MSRB3: variants seen among roughly 807,000 people sequenced by gnomAD.
MSRB3 encodes methionine sulfoxide reductase B3, also known as methionine-R-sulfoxide reductase B3.
In MSRB3, 13 loss-of-function variants were observed where a neutral mutation model predicts 21.0. The ratio of observed to expected loss-of-function variants is 0.62; its 90% CI spans 0.40 to 0.98. The LOEUF is 0.98. MSRB3 is among the 50% of genes least tolerant of loss of function. MSRB3 has a pLI of 0.00. For missense variants in MSRB3, 199 were observed against 230.3 expected (o/e 0.86, Z 0.88); for synonymous variants, 87 against 88.6 (o/e 0.98, Z 0.10).
intron 4 of MSRB3, among the ~76,000 whole-genome samples, chr12:65,359,080 A>C (rs1330617772): frequency 6.6e-6 from 1 of 152,020 alleles, no homozygotes. Flanking sequence ...TAATGTAATG[A>C]TCAATTTTAT....
At chr12:65,357,578 G>A (rs1359502449) in intron 4 of MSRB3, among the ~76,000 whole-genome samples, 1 of 151,740 alleles carries the variant, frequency 6.6e-6, no homozygotes, top group Non-Finnish European at 1.5e-5. Context: ...TTTACCTAAT[G>A]TCCTTTTTCT....
chr12:65,339,690 G>A lies in MSRB3; in HGVS notation c.263+11087G>A, dbSNP rs116035083. Among the ~76,000 whole-genome samples, 1,347 of 152,102 alleles carry A rather than the reference G, an allele frequency of 8.9e-3. 18 individuals are homozygous for A. Among genetic ancestry groups the A allele is most frequent in the African/African-American group, 0.03 (1,250 of 41,486 alleles). On this transcript the variant is annotated intron_variant, in intron 4 of 6. Transcript: ENST00000308259. ...ATAATTCATTTAATTATAAATTTACGTAATTTATTTTTAATAATGGCTATG... is the reference window on the plus strand; with the variant it reads ...ATAATTCATTTAATTATAAATTTACATAATTTATTTTTAATAATGGCTATG...
intron 6 of MSRB3, among the ~76,000 whole-genome samples, chr12:65,457,912 G>T (rs1253378346): frequency 6.6e-6 from 1 of 151,828 alleles, no homozygotes; most frequent in African/African-American, 2.4e-5. Context: ...AACTATTCTG[G>T]TTTGCTCTCT....
chr12:65,295,528 A>G (rs145797141), intron 1 of MSRB3, among the ~76,000 whole-genome samples: 2 of 151,676 alleles, frequency 1.3e-5, no homozygotes, highest in Non-Finnish European at 2.9e-5. Flanking sequence ...TCATTTGGCT[A>G]AAGTACATTT....
intron 5 of MSRB3, among the ~76,000 whole-genome samples, chr12:65,433,412 A>G (rs1375057256): frequency 6.6e-6 from 1 of 151,944 alleles, no homozygotes; most frequent in Non-Finnish European, 1.5e-5. Context: ...GAATTAAAAA[A>G]AAATTTTTTT....
chr12:65,367,918 TACAC>T (rs5798779), intron 4 of MSRB3, among the ~76,000 whole-genome samples: 1 of 151,304 alleles, frequency 6.6e-6, no homozygotes, highest in Admixed American at 6.6e-5. Flanking sequence ...CATATACATA[TACAC>T]ACACACACAT....
chr12:65,356,433 G>A (rs1877387612), intron 4 of MSRB3, among the ~76,000 whole-genome samples: 1 of 151,712 alleles, frequency 6.6e-6, no homozygotes, highest in South Asian at 2.1e-4. Context: ...TTTTCAATGT[G>A]AAAGTTTATA....
intron 4 of MSRB3, among the ~76,000 whole-genome samples, chr12:65,349,555 T>A (rs987992304): frequency 1.3e-5 from 2 of 148,494 alleles, no homozygotes; most frequent in African/African-American, 5.3e-5. Flanking sequence ...TTTCTCCACA[T>A]CCTCTCCGGC....
chr12:65,390,703 AAACCCTT>A lies in MSRB3; in HGVS notation c.292+21681_292+21687del, dbSNP rs1272522158. Among the ~76,000 whole-genome samples the A allele has an allele frequency of 7.9e-5, 12 of 152,284 alleles. No individual in the cohort carries two copies. In the East Asian group the frequency reaches 2.1e-3, roughly 27 times the overall value. Reference sequence around the variant, plus strand: ...TAGAACATTATTTATTGTGGCAAAAAAACCCTTAACAGCCTAAATGTCCAATAACAGA... The same window carrying A: ...TAGAACATTATTTATTGTGGCAAAAAAACAGCCTAAATGTCCAATAACAGA... On this transcript the variant is annotated intron_variant, in intron 5 of 6. Transcript: ENST00000308259.
rs559017343 is a variant in MSRB3 at position 65,404,493 on chromosome 12, T to A, written c.292+35467T>A. Reference sequence around the variant, plus strand: ...TATGAACAAACTGCTATCCATTAGATAAAGAAAAGAAAAACATTTCTTACC... The same window carrying A: ...TATGAACAAACTGCTATCCATTAGAAAAAGAAAAGAAAAACATTTCTTACC... On this transcript the variant is annotated intron_variant, in intron 5 of 6. Coordinates refer to ENST00000308259, the MANE Select transcript of MSRB3 (RefSeq NM_001031679.3). Among the ~76,000 whole-genome samples, 5 of 152,332 alleles carry A rather than the reference T, an allele frequency of 3.3e-5. No homozygotes were observed. In the South Asian group the frequency reaches 1.0e-3, roughly 32 times the overall value.
chr12:65,298,403 TA>T (rs1205457458), intron 1 of MSRB3, among the ~76,000 whole-genome samples: 4 of 152,220 alleles, frequency 2.6e-5, no homozygotes, highest in African/African-American at 9.6e-5. Flanking sequence ...CAGTTTGAAG[TA>T]GATATGGAAT....
chr12:65,293,849 G>A (rs971689223), intron 1 of MSRB3, among the ~76,000 whole-genome samples: 7 of 152,176 alleles, frequency 4.6e-5, no homozygotes, highest in Admixed American at 3.9e-4. Flanking sequence ...GGAATGAGAG[G>A]CCTTCTGGCT....
At chr12:65,327,042 C>T in intron 3 of MSRB3, 108 bp downstream of exon 3, 1 of 808,978 alleles carries the variant, frequency 1.2e-6, no homozygotes, top group Non-Finnish European at 2.1e-6. Flanking sequence ...TACTTACTTG[C>T]TAAAGTCTAT....
At chr12:65,288,879 C>T (rs186333622) in intron 1 of MSRB3, among the ~76,000 whole-genome samples, 1 of 152,244 alleles carries the variant, frequency 6.6e-6, no homozygotes, top group East Asian at 1.9e-4. Flanking sequence ...TAAAAAGTAT[C>T]TTCTCTTGCC....
At chr12:65,419,743 T>G (rs10878276) in intron 5 of MSRB3, 578,076 of 999,202 alleles carry the variant, frequency 0.58, 172,615 homozygotes, top group Non-Finnish European at 0.64. Context: ...GTCCAGGTAG[T>G]AGGCCAGGCG....
At chr12:65,391,361 C>A (rs1592592806) in intron 5 of MSRB3, among the ~76,000 whole-genome samples, 1 of 152,260 alleles carries the variant, frequency 6.6e-6, no homozygotes, top group African/African-American at 2.4e-5. Flanking sequence ...TTGGCTCCTT[C>A]CCCAGAAAAT....
At chr12:65,321,428 A>G (rs966120772) in intron 2 of MSRB3, among the ~76,000 whole-genome samples, 2 of 152,152 alleles carry the variant, frequency 1.3e-5, no homozygotes, top group African/African-American at 4.8e-5. Flanking sequence ...GTGGTCCTCA[A>G]AGTAAACCCT....
intron 6 of MSRB3, among the ~76,000 whole-genome samples, chr12:65,459,595 TTTC>T (rs980531355): frequency 6.6e-6 from 1 of 152,206 alleles, no homozygotes; most frequent in Non-Finnish European, 1.5e-5. Context: ...GTAAATTGCT[TTTC>T]TTCTTAAAAC....
intron 4 of MSRB3, among the ~76,000 whole-genome samples, chr12:65,364,885 G>C (rs1877917953): frequency 6.6e-6 from 1 of 152,136 alleles, no homozygotes; most frequent in Non-Finnish European, 1.5e-5. Flanking sequence ...ATTATCAATA[G>C]AGTAGCTGTA....
Sources: gnomAD v4.1 joint callset for allele counts (sites outside exome capture counted in the v4.1 genomes callset) on GRCh38, gnomAD v4.1.1 for gene constraint, MANE v1.5 for transcripts, NCBI Gene and HGNC (gene_info 2026-07-23, HGNC 2026-07-21) for gene names.